Variants in ETNK1 observed in about 807,000 individuals in gnomAD.
ETNK1 encodes the protein ethanolamine kinase 1, also known as putative protein product of Nbla10396.
In ETNK1, 8 loss-of-function variants were observed where a neutral mutation model predicts 45.1. The ratio of observed to expected loss-of-function variants is 0.18; its 90% CI spans 0.10 to 0.32. The LOEUF is 0.32. Among genes scored for constraint, ETNK1 ranks in the 10% least tolerant of loss-of-function variants. ETNK1 has a pLI of 1.00. For synonymous variants in ETNK1, 152 were observed against 151.9 expected (o/e 1.00, Z -0.01); for missense variants, 302 against 430.6 (o/e 0.70, Z 2.64).
intron 6 of ETNK1, among the ~76,000 whole-genome samples, chr12:22,678,621 A>G (rs1424447589): frequency 6.6e-6 from 1 of 152,246 alleles, no homozygotes; most frequent in Non-Finnish European, 1.5e-5. Context: ...AGGTACATTA[A>G]CTATATAATG....
At chr12:22,627,621 T>C (rs191211126) in intron 1 of ETNK1, among the ~76,000 whole-genome samples, 4 of 152,258 alleles carry the variant, frequency 2.6e-5, no homozygotes, top group Admixed American at 2.6e-4. Context: ...ATATTTTCTT[T>C]TGAGATTTTA....
intron 6 of ETNK1, among the ~76,000 whole-genome samples, chr12:22,677,870 G>C (rs1954176602): frequency 6.6e-6 from 1 of 152,006 alleles, no homozygotes; most frequent in Admixed American, 6.6e-5. Flanking sequence ...TTTTTCCTGA[G>C]ACTTTGCTGA....
rs1954254115 is a variant in ETNK1 at position 22,685,576 on chromosome 12, T to C, written c.*622T>C. ...TATTAGAAAGTATTTCTTTTTGGGGTAATATAACTTAGAATTAAATCCCTG... is the reference window on the plus strand; with the variant it reads ...TATTAGAAAGTATTTCTTTTTGGGGCAATATAACTTAGAATTAAATCCCTG... On this transcript the variant is annotated 3_prime_UTR_variant, in exon 8 of 8. Coordinates refer to ENST00000266517, the MANE Select transcript of ETNK1 (RefSeq NM_018638.5). The C allele has an allele frequency of 6.6e-6, 1 of 151,794 alleles. No homozygotes were observed. Among genetic ancestry groups the C allele is most frequent in the African/African-American group, 2.4e-5 (1 of 41,408 alleles). 9.4% of individuals were successfully genotyped at this position (151,794 alleles called of 1,614,324 possible).
intron 4 of ETNK1, among the ~76,000 whole-genome samples, chr12:22,665,519 A>G (rs1285848351): frequency 2.6e-5 from 4 of 152,170 alleles, no homozygotes; most frequent in African/African-American, 9.7e-5. Context: ...TTATACTAAC[A>G]TAGGGGTTGG....
chr12:22,631,985 A>G (rs951354011), intron 1 of ETNK1, among the ~76,000 whole-genome samples: 3 of 152,150 alleles, frequency 2.0e-5, no homozygotes, highest in South Asian at 2.1e-4. Flanking sequence ...ACCCCAACCC[A>G]GGAAAAGAAA....
chr12:22,652,360 G>A lies in ETNK1; in HGVS notation c.417-6654G>A, dbSNP rs184544969. Reference sequence around the variant, plus strand: ...TTGATACCCTGCTTTCAGTTCTTTCGGGTGAATGCCCAGAAGTGGAATTGC... The same window carrying A: ...TTGATACCCTGCTTTCAGTTCTTTCAGGTGAATGCCCAGAAGTGGAATTGC... On this transcript the variant is annotated intron_variant, in intron 2 of 7. Transcript: ENST00000266517. Among the ~76,000 whole-genome samples the A allele has an allele frequency of 4.4e-3, 671 of 152,196 alleles. 6 individuals are homozygous for A. The highest frequency in any genetic ancestry group is 0.016 in the African/African-American group (653 of 41,522).
At chr12:22,657,897 A>C (rs1012772006) in intron 2 of ETNK1, among the ~76,000 whole-genome samples, 2 of 152,230 alleles carry the variant, frequency 1.3e-5, no homozygotes, top group African/African-American at 4.8e-5. Context: ...AATATTCACA[A>C]TAGTATAGAA....
chr12:22,644,483 T>A lies in ETNK1; in HGVS notation c.416+461T>A, dbSNP rs1446396788. 5 of 725,328 alleles carry A rather than the reference T, an allele frequency of 6.9e-6. No individual in the cohort carries two copies. The African/African-American group carries it at 9.2e-5, about 13-fold the overall frequency. 44.9% of individuals were successfully genotyped at this position (725,328 alleles called of 1,614,324 possible). A position where few individuals can be genotyped will look rare whatever the true frequency, so the allele number is the denominator to read the frequency against. On this transcript the variant is annotated intron_variant, in intron 2 of 7. Coordinates refer to ENST00000266517, the MANE Select transcript of ETNK1 (RefSeq NM_018638.5). ...ATGTTTTCTATAAAGAATAATGTCA[T>A]ATATGCTTGATCATTTTTCCAAAAT... is the stretch of plus-strand genomic sequence containing the variant.
intron 2 of ETNK1, 164 bp downstream of exon 2, chr12:22,644,186 G>A: frequency 6.4e-7 from 1 of 1,564,924 alleles, no homozygotes; most frequent in African/African-American, 1.4e-5. Flanking sequence ...TAAAAAGATA[G>A]AAGTAAATTT....
intron 1 of ETNK1, among the ~76,000 whole-genome samples, chr12:22,641,080 A>G (rs1266492732): frequency 6.6e-6 from 1 of 152,180 alleles, no homozygotes; most frequent in Non-Finnish European, 1.5e-5. Flanking sequence ...TTACCTGTAC[A>G]TCTTTAAACT....
At chr12:22,649,213 A>G (rs1379794875) in intron 2 of ETNK1, among the ~76,000 whole-genome samples, 1 of 152,008 alleles carries the variant, frequency 6.6e-6, no homozygotes, top group Admixed American at 6.6e-5. Context: ...GAAAGTTTTA[A>G]TTTTAATGAA....
chr12:22,658,994 T>C lies in ETNK1; in HGVS notation c.417-20T>C. ...TATGATACTTAAGTTTTTCTTTTTA[T>C]GCGGTTTTGTTTTAAACAGGCTAAT... On this transcript the variant is annotated intron_variant, in intron 2 of 7. Transcript: ENST00000266517. 1 of 1,598,822 alleles carries C rather than the reference T, an allele frequency of 6.3e-7. No homozygotes were observed. The highest frequency in any genetic ancestry group is 8.5e-7 in the Non-Finnish European group (1 of 1,175,582).
chr12:22,680,892 CCCCG>C lies in ETNK1; in HGVS notation c.946-3587_946-3584del, dbSNP rs1223477390. Among the ~76,000 whole-genome samples, 15 of 33,128 alleles carry C rather than the reference CCCCG, an allele frequency of 4.5e-4. 1 individual carries two copies. The highest frequency in any genetic ancestry group is 9.0e-4 in the African/African-American group (12 of 13,268). 21.7% of individuals were successfully genotyped at this position (33,128 alleles called of 152,430 possible). ...TAATGGCTTTGTGGAGCTTTTCTTC[CCCCG>C]CCCCCCCCTCCATTATATGCACACT... On this transcript the variant is annotated intron_variant, in intron 6 of 7. Transcript: ENST00000266517.
rs1382963178 is a variant in ETNK1, at chr12:22,658,882, A to G, written c.417-132A>G. On this transcript the variant is annotated intron_variant, in intron 2 of 7. Transcript: ENST00000266517. ...AGGGTTCTTGCTAAAACTGGTTTTTACAAGAGAGAGCACAGGTAGGTCTAC... is the reference window on the plus strand; with the variant it reads ...AGGGTTCTTGCTAAAACTGGTTTTTGCAAGAGAGAGCACAGGTAGGTCTAC... The G allele has an allele frequency of 3.4e-6, 3 of 870,272 alleles. No individual in the cohort carries two copies. The East Asian group carries it at 8.0e-5, about 23-fold the overall frequency. 53.9% of individuals were successfully genotyped at this position (870,272 alleles called of 1,614,324 possible).
chr12:22,625,468 A>C lies in ETNK1; in HGVS notation c.38A>C (p.Glu13Ala). 2 of 1,601,594 alleles carry C rather than the reference A, an allele frequency of 1.2e-6. No homozygotes were observed. Among genetic ancestry groups the C allele is most frequent in the Non-Finnish European group, 1.7e-6 (2 of 1,174,650 alleles). Residue 13 changes from glutamate to alanine, a missense_variant, in exon 1 of 8, where the codon GAG (glutamate) becomes GCG (alanine). Glu to Ala is a moderately radical substitution (Grantham distance 107). Coordinates refer to ENST00000266517, the MANE Select transcript of ETNK1 (RefSeq NM_018638.5). ...NYIHVPPGSP[E>A]VPKLNVTVQD... ...ATCCACGTCCCTCCCGGCTCCCCGG[A>C]GGTGCCCAAGCTGAACGTCACCGTT... is the stretch of plus-strand genomic sequence containing the variant.
intron 5 of ETNK1, among the ~76,000 whole-genome samples, chr12:22,671,841 T>TAAAAAAAA (rs555930582): frequency 1.0e-5 from 1 of 98,236 alleles, no homozygotes; most frequent in African/African-American, 4.4e-5. Context: ...TCCATCTCAT[T>TAAAAAAAA]AAAAAAAAAA....
chr12:22,670,197 CGGG>C (rs1416160939), intron 4 of ETNK1, among the ~76,000 whole-genome samples: 1 of 151,796 alleles, frequency 6.6e-6, no homozygotes, highest in Non-Finnish European at 1.5e-5. Flanking sequence ...GTGTAAAGAC[CGGG>C]AATTTGTTCT....
chr12:22,686,488 TG>T lies in ETNK1; in HGVS notation c.*1535del, dbSNP rs1954261560. On this transcript the variant is annotated 3_prime_UTR_variant, in exon 8 of 8. Transcript: ENST00000266517. ...AAATGACTTAATATTCTCAGACAAA[TG>T]CTTTAAAATACTTGGATTATCTCAA... 6.6e-6 allele frequency: 1 copy of T among 152,356 alleles called. No individual in the cohort carries two copies. Among genetic ancestry groups the T allele is most frequent in the African/African-American group, 2.4e-5 (1 of 41,420 alleles). The allele number at this position is 152,356 out of a possible 1,614,324, so 9.4% of individuals were successfully genotyped here.
chr12:22,625,823 C>G (rs573156345), intron 1 of ETNK1: 2 of 717,118 alleles, frequency 2.8e-6, no homozygotes, highest in East Asian at 5.5e-5. Context: ...GAAGCCGCTG[C>G]GTAAGTGACG....
Sources: allele counts gnomAD v4.1 joint callset (sites outside exome capture counted in the v4.1 genomes callset), GRCh38; gene constraint gnomAD v4.1.1; transcripts MANE v1.5; gene names NCBI Gene and HGNC (gene_info 2026-07-23, HGNC 2026-07-21).